Variants in MEF2C observed in about 807,000 individuals in gnomAD.
MEF2C encodes myocyte-specific enhancer factor 2C.
A neutral mutation model predicts 50.5 loss-of-function variants in MEF2C; 6 were observed. The ratio of observed to expected loss-of-function variants is 0.12; its 90% CI spans 0.07 to 0.23. MEF2C has a LOEUF of 0.23. Among genes scored for constraint, MEF2C ranks in the 10% least tolerant of loss-of-function variants. The pLI, the probability that MEF2C is intolerant of heterozygous loss-of-function variation, is 1.00. For synonymous variants in MEF2C, 183 were observed against 228.0 expected, an observed-to-expected ratio of 0.80 and a Z score of 1.78; for missense variants, 276 against 605.0, an observed-to-expected ratio of 0.46 and a Z score of 5.70.
chr5:88,871,576 A>T (rs1172083689), intron 1 of MEF2C, among the ~76,000 whole-genome samples: 2 of 152,046 alleles, frequency 1.3e-5, no homozygotes, highest in Admixed American at 6.6e-5. Context: ...AAGTGGTTGC[A>T]ACTAGCCAGG....
At chr5:88,753,527 T>C (rs1024409342) in intron 4 of MEF2C, among the ~76,000 whole-genome samples, 3 of 152,120 alleles carry the variant, frequency 2.0e-5, no homozygotes, top group African/African-American at 7.2e-5. Context: ...TCCCAAGCAG[T>C]GGTTGGCATG....
chr5:88,820,004 A>C (rs1807473775), intron 2 of MEF2C, among the ~76,000 whole-genome samples: 1 of 151,944 alleles, frequency 6.6e-6, no homozygotes, highest in African/African-American at 2.4e-5. Context: ...GTCTAGTAAT[A>C]TTTGTTGATT....
chr5:88,781,404 A>T (rs529012485), intron 3 of MEF2C, among the ~76,000 whole-genome samples: 1 of 152,330 alleles, frequency 6.6e-6, no homozygotes, highest in South Asian at 2.1e-4. Flanking sequence ...CAGGAAGACC[A>T]AAAGTGAGTT....
At chr5:88,772,249 G>A (rs1486833071) in intron 3 of MEF2C, 1 of 152,194 alleles carries the variant, frequency 6.6e-6, no homozygotes, top group Non-Finnish European at 1.5e-5. Context: ...CTTATGTCAT[G>A]ACTATTTTAA....
upstream of MEF2C, among the ~76,000 whole-genome samples, chr5:88,884,989 A>AT (rs869216148): frequency 1.3e-5 from 2 of 152,344 alleles, no homozygotes; most frequent in South Asian, 4.1e-4. Flanking sequence ...AAACCAAACT[A>AT]TTTTTTAAAA....
intron 1 of MEF2C, among the ~76,000 whole-genome samples, chr5:88,851,787 G>C (rs189401570): frequency 2.6e-5 from 4 of 152,030 alleles, no homozygotes; most frequent in Admixed American, 2.6e-4. Context: ...TGTGTGAATA[G>C]GTTGTAATAT....
intron 2 of MEF2C, among the ~76,000 whole-genome samples, chr5:88,813,451 T>G (rs1198933129): frequency 6.6e-6 from 1 of 151,920 alleles, no homozygotes; most frequent in Non-Finnish European, 1.5e-5. Flanking sequence ...GCCTGCCCCC[T>G]CCCTCACCCT....
chr5:88,868,820 C>T (rs546642922), intron 1 of MEF2C, among the ~76,000 whole-genome samples: 20 of 152,234 alleles, frequency 1.3e-4, no homozygotes, highest in African/African-American at 4.6e-4. Context: ...TGTAAGATTA[C>T]AGATAAATTA....
chr5:88,750,175 T>G, intron 5 of MEF2C: 1 of 802,500 alleles, frequency 1.2e-6, no homozygotes, highest in Non-Finnish European at 1.5e-6. Flanking sequence ...TAAAAGAAAA[T>G]GTTTGTTTAT....
At chr5:88,868,648 G>C (rs1004825501) in intron 1 of MEF2C, among the ~76,000 whole-genome samples, 1 of 152,126 alleles carries the variant, frequency 6.6e-6, no homozygotes, top group Non-Finnish European at 1.5e-5. Context: ...TTAAGGAGAA[G>C]AGAGAGAGGC....
intron 1 of MEF2C, among the ~76,000 whole-genome samples, chr5:88,872,682 G>A (rs113483799): frequency 3.6e-4 from 54 of 151,970 alleles, no homozygotes; most frequent in African/African-American, 1.2e-3. Flanking sequence ...GGTTTTATAT[G>A]TATTATCCTA....
chr5:88,884,228 G>C (rs532074128), upstream of MEF2C: 1 of 152,306 alleles, frequency 6.6e-6, no homozygotes, highest in South Asian at 2.1e-4. Flanking sequence ...TGACCAATAG[G>C]AGCGCGACCC....
intron 6 of MEF2C, chr5:88,746,510 G>A (rs1769726260): frequency 1.0e-6 from 1 of 983,556 alleles, no homozygotes; most frequent in Admixed American, 6.2e-5. Flanking sequence ...AAAAAGTAAC[G>A]TAATTGCAGT....
At chr5:88,883,900 C>T (rs2150142641), upstream of MEF2C, among the ~76,000 whole-genome samples, 1 of 152,360 alleles carries the variant, frequency 6.6e-6, no homozygotes, top group South Asian at 2.1e-4. Flanking sequence ...GAATAAATCA[C>T]TGAACATCAG....
At chr5:88,759,596 A>G (rs763590912) in intron 4 of MEF2C, among the ~76,000 whole-genome samples, 8 of 152,260 alleles carry the variant, frequency 5.3e-5, no homozygotes, top group Non-Finnish European at 1.0e-4. Context: ...AATTCTGGAC[A>G]TAACAAGTAT....
chr5:88,767,123 G>A (rs2152737161), intron 3 of MEF2C, among the ~76,000 whole-genome samples: 1 of 152,310 alleles, frequency 6.6e-6, no homozygotes, highest in South Asian at 2.1e-4. Context: ...GGTGCTTTGA[G>A]GACTGTGCCC....
chr5:88,765,164 A>G (rs1408766167), intron 3 of MEF2C, among the ~76,000 whole-genome samples: 2 of 152,252 alleles, frequency 1.3e-5, no homozygotes, highest in Admixed American at 1.3e-4. Context: ...CCCGAATCTA[A>G]GTAATGATTC....
At chr5:88,798,499 A>G (rs1267625335) in intron 3 of MEF2C, among the ~76,000 whole-genome samples, 1 of 151,778 alleles carries the variant, frequency 6.6e-6, no homozygotes, top group African/African-American at 2.4e-5. Flanking sequence ...CAGGTCATTT[A>G]TGTTCTTCTC....
At chr5:88,805,322 C>G (rs957202652) in intron 2 of MEF2C, among the ~76,000 whole-genome samples, 6 of 152,158 alleles carry the variant, frequency 3.9e-5, no homozygotes, top group Admixed American at 3.9e-4. Flanking sequence ...TTCTAGAAAC[C>G]CAACAGGGCA....
Sources: allele counts gnomAD v4.1 joint callset (sites outside exome capture counted in the v4.1 genomes callset), GRCh38; gene constraint gnomAD v4.1.1; transcripts MANE v1.5; gene names NCBI Gene and HGNC (gene_info 2026-07-23, HGNC 2026-07-21).